Variants in GATC observed in about 807,000 individuals in gnomAD.
The protein encoded by GATC is glutamyl-tRNA amidotransferase subunit C, also known as glutamyl-tRNA(Gln) amidotransferase subunit C, mitochondrial.
Under a neutral mutation model 14.4 loss-of-function variants are expected in GATC, and 11 were observed. The ratio of observed to expected loss-of-function variants is 0.77; its 90% CI spans 0.48 to 1.27. The LOEUF (loss-of-function observed/expected upper bound fraction) is 1.27. GATC is among the 50% of genes most tolerant of loss of function. The pLI, the probability that GATC is intolerant of heterozygous loss-of-function variation, is 0.00. For synonymous variants in GATC, 76 were observed against 79.3 expected (o/e 0.96, Z 0.22); for missense variants, 204 against 183.0 (o/e 1.11, Z -0.66).
chr12:120,451,598 C>T (rs549619210), intron 2 of GATC, among the ~76,000 whole-genome samples: 2 of 151,784 alleles, frequency 1.3e-5, no homozygotes, highest in East Asian at 2.0e-4. Flanking sequence ...AAAAATTAGC[C>T]GGGCATGGTG....
intron 2 of GATC, among the ~76,000 whole-genome samples, chr12:120,456,627 A>C (rs1183417669): frequency 6.6e-6 from 1 of 152,022 alleles, no homozygotes; most frequent in Non-Finnish European, 1.5e-5. Flanking sequence ...TCCATTTCTC[A>C]TACCTTCATC....
chr12:120,452,184 T>C (rs1322798149), intron 2 of GATC, among the ~76,000 whole-genome samples: 1 of 151,582 alleles, frequency 6.6e-6, no homozygotes, highest in Non-Finnish European at 1.5e-5. Flanking sequence ...GCCTAAATTA[T>C]TTCAATTTTC....
intron 2 of GATC, among the ~76,000 whole-genome samples, chr12:120,452,786 C>G (rs1878087045): frequency 6.6e-6 from 1 of 152,138 alleles, no homozygotes; most frequent in Admixed American, 6.6e-5. Context: ...ACTCCACCTC[C>G]TGAACTCAAG....
Position 120,460,061 on chromosome 12 carries a change from GA to G in GATC, c.*108del. ...ATGTTCCTGCTTTTTTCAGTCCCCTGAAAAAATGGATGCTCAAGCATTTCTT... is the reference window on the plus strand; with the variant it reads ...ATGTTCCTGCTTTTTTCAGTCCCCTGAAAAATGGATGCTCAAGCATTTCTT... On this transcript the variant is annotated 3_prime_UTR_variant, in exon 4 of 4. Coordinates refer to ENST00000551765, the MANE Select transcript of GATC (RefSeq NM_176818.3). 7 of 807,340 alleles carry G rather than the reference GA, an allele frequency of 8.7e-6. No homozygotes were observed. Among genetic ancestry groups the G allele is most frequent in the African/African-American group, 1.8e-5 (1 of 56,214 alleles). The allele number at this position is 807,340 out of a possible 1,614,324, so 50.0% of individuals were successfully genotyped here.
chr12:120,447,081 G>T lies in GATC; in HGVS notation c.254+252G>T, dbSNP rs1443934105. On this transcript the variant is annotated intron_variant, in intron 2 of 3. Transcript: ENST00000551765. Reference sequence around the variant, plus strand: ...GTTTTTTTTTTTGTTTGTTTGTTTTGTTTTTTTTTTTTTGAGACGGAGTCT... The same window carrying T: ...GTTTTTTTTTTTGTTTGTTTGTTTTTTTTTTTTTTTTTTGAGACGGAGTCT... 3.6e-3 allele frequency among the ~76,000 whole-genome samples: 478 copies of T among 131,390 alleles called. 1 individual carries two copies. Among genetic ancestry groups the T allele is most frequent in the East Asian group, 6.8e-3 (30 of 4,386 alleles). 86.2% of individuals were successfully genotyped at this position (131,390 alleles called of 152,430 possible). A position where few individuals can be genotyped will look rare whatever the true frequency, so the allele number is the denominator to read the frequency against.
intron 2 of GATC, among the ~76,000 whole-genome samples, chr12:120,450,088 G>A (rs112613649): frequency 1.3e-3 from 199 of 152,236 alleles, no homozygotes; most frequent in Non-Finnish European, 2.5e-3. Context: ...ATATCTCTAG[G>A]AAAGGAGGGA....
At chr12:120,447,625 C>T (rs1318636273) in intron 2 of GATC, among the ~76,000 whole-genome samples, 3 of 152,118 alleles carry the variant, frequency 2.0e-5, no homozygotes, top group Non-Finnish European at 4.4e-5. Flanking sequence ...TCCCTTCTCC[C>T]CTTCTAGTTA....
chr12:120,451,977 A>C (rs1369823477), intron 2 of GATC, among the ~76,000 whole-genome samples: 1 of 142,142 alleles, frequency 7.0e-6, no homozygotes, highest in Non-Finnish European at 1.5e-5. Context: ...CCCAGGTTGA[A>C]GCAATTCTCC....
chr12:120,462,495 A>G lies in GATC; in HGVS notation c.*2536A>G. On this transcript the variant is annotated 3_prime_UTR_variant, in exon 4 of 4. Transcript: ENST00000551765. ...ACCCCCCTCAAAGCTAAGAACTGGAAAGGATCTCAGGGGTCATATAGTTTA... is the reference window on the plus strand; with the variant it reads ...ACCCCCCTCAAAGCTAAGAACTGGAGAGGATCTCAGGGGTCATATAGTTTA... 1 of 200,380 alleles carries G rather than the reference A, an allele frequency of 5.0e-6. No individual in the cohort carries two copies. Among genetic ancestry groups the G allele is most frequent in the Non-Finnish European group, 1.0e-5 (1 of 96,948 alleles). The allele number at this position is 200,380 out of a possible 1,614,324, so 12.4% of individuals were successfully genotyped here. A position where few individuals can be genotyped will look rare whatever the true frequency, so the allele number is the denominator to read the frequency against.
At chr12:120,448,328 A>C (rs1196505429) in intron 2 of GATC, among the ~76,000 whole-genome samples, 1 of 74,860 alleles carries the variant, frequency 1.3e-5, no homozygotes. Context: ...CTTCCTCAAG[A>C]AAGTTTTTTT....
chr12:120,460,124 T>G lies in GATC; in HGVS notation c.*165T>G, dbSNP rs1424123360. 1.8e-6 allele frequency: 1 copy of G among 558,638 alleles called. No individual in the cohort carries two copies. Among genetic ancestry groups the G allele is most frequent in the African/African-American group, 1.9e-5 (1 of 51,486 alleles). The allele number at this position is 558,638 out of a possible 1,614,324, so 34.6% of individuals were successfully genotyped here. ...CTTCTGAAGACAGAATTGGGAAAGA[T>G]CTGGCCCCAACAAGGCAGTGAGTTC... On this transcript the variant is annotated 3_prime_UTR_variant, in exon 4 of 4. Transcript: ENST00000551765.
At chr12:120,453,672 C>T (rs541130842) in intron 2 of GATC, among the ~76,000 whole-genome samples, 40 of 151,952 alleles carry the variant, frequency 2.6e-4, no homozygotes, top group Admixed American at 2.0e-3. Context: ...TCACAGAGAC[C>T]GTGGGTTCAG....
chr12:120,452,560 TTTTC>T (rs1486737174), intron 2 of GATC, among the ~76,000 whole-genome samples: 4 of 152,146 alleles, frequency 2.6e-5, no homozygotes, highest in African/African-American at 4.8e-5. Context: ...CAGCTAATTT[TTTTC>T]TTTGTTACTT....
At chr12:120,456,101 CAGG>C (rs1431026641) in intron 2 of GATC, among the ~76,000 whole-genome samples, 10 of 152,320 alleles carry the variant, frequency 6.6e-5, no homozygotes, top group Non-Finnish European at 1.0e-4. Flanking sequence ...CCACTCAAAG[CAGG>C]AGGAGCGTGG....
At chr12:120,457,037 T>C in intron 2 of GATC, 39 bp from the exon 3 acceptor site, 1 of 1,414,434 alleles carries the variant, frequency 7.1e-7, no homozygotes, top group Non-Finnish European at 1.0e-6. Flanking sequence ...AAAAGCCCCC[T>C]TCTCTGAGAG....
Position 120,460,736 on chromosome 12 carries a change from T to G in GATC, c.*777T>G, listed in dbSNP as rs2137047135. On this transcript the variant is annotated 3_prime_UTR_variant, in exon 4 of 4. Transcript: ENST00000551765. ...AGGGATAAAAGTGGGCTGGGCGCAG[T>G]GGCTCACTCCTGTAATCCCAGCACT... 6.6e-6 allele frequency: 1 copy of G among 152,330 alleles called. No individual in the cohort carries two copies. The highest frequency in any genetic ancestry group is 6.5e-5 in the Admixed American group (1 of 15,286). 9.4% of individuals were successfully genotyped at this position (152,330 alleles called of 1,614,324 possible).
chr12:120,449,331 T>G (rs1877973781), intron 2 of GATC, among the ~76,000 whole-genome samples: 1 of 152,172 alleles, frequency 6.6e-6, no homozygotes, highest in Non-Finnish European at 1.5e-5. Context: ...ATACATCTAT[T>G]TAAGGGATGT....
chr12:120,447,836 A>T (rs1227954295), intron 2 of GATC, among the ~76,000 whole-genome samples: 1 of 152,052 alleles, frequency 6.6e-6, no homozygotes, highest in Non-Finnish European at 1.5e-5. Context: ...GCTCATTGTA[A>T]TGTCCACCTC....
chr12:120,462,151 G>A lies in GATC; in HGVS notation c.*2192G>A. 1.9e-6 allele frequency: 3 copies of A among 1,610,888 alleles called. No individual in the cohort carries two copies. Among genetic ancestry groups the A allele is most frequent in the Non-Finnish European group, 2.5e-6 (3 of 1,178,848 alleles). On this transcript the variant is annotated 3_prime_UTR_variant, in exon 4 of 4. Transcript: ENST00000551765. Reference sequence around the variant, plus strand: ...TTCTCTCAGGATAAACTCGGATGTAGGAAGTTTCACCCTGAAATGCAAACA... The same window carrying A: ...TTCTCTCAGGATAAACTCGGATGTAAGAAGTTTCACCCTGAAATGCAAACA...
Sources: gnomAD v4.1 joint callset for allele counts (sites outside exome capture counted in the v4.1 genomes callset) on GRCh38, gnomAD v4.1.1 for gene constraint, MANE v1.5 for transcripts, NCBI Gene and HGNC (gene_info 2026-07-23, HGNC 2026-07-21) for gene names.